Variants in ACTR3C observed in about 807,000 individuals in gnomAD.
ACTR3C encodes the protein actin related protein 3C, also known as actin-related protein 3C.
In ACTR3C, 18 loss-of-function variants were observed where a neutral mutation model predicts 26.3. The ratio of observed to expected loss-of-function variants is 0.68; its 90% confidence interval spans 0.47 to 1.01. The LOEUF (loss-of-function observed/expected upper bound fraction) is 1.01, where lower values mean the gene tolerates loss of function less well. Ranked by LOEUF, ACTR3C falls within the 50% of genes least tolerant of loss-of-function variation. The pLI is 0.00. For synonymous variants in ACTR3C, 55 were observed against 94.5 expected (o/e 0.58, Z 2.42); for missense variants, 184 against 250.7 (o/e 0.73, Z 1.80).
At chr7:150,270,619 C>A (rs565986724) in intron 6 of ACTR3C, among the ~76,000 whole-genome samples, 2 of 151,900 alleles carry the variant, frequency 1.3e-5, no homozygotes, top group Admixed American at 6.5e-5. Context: ...GCCACCCCCC[C>A]GCCCTGCAGC....
At chr7:150,180,503 T>C in the ACTR3C span, among the ~76,000 whole-genome samples, 1 of 145,462 alleles carries the variant, frequency 6.9e-6, no homozygotes, top group East Asian at 2.0e-4. Flanking sequence ...GCCAAAATAG[T>C]AGTATATCTT....
At chr7:150,218,281 G>A in the ACTR3C span, among the ~76,000 whole-genome samples, 5 of 151,882 alleles carry the variant, frequency 3.3e-5, no homozygotes, top group Admixed American at 6.6e-5. Flanking sequence ...TCATGTTATC[G>A]CACCACAGCA....
chr7:150,114,961 G>A, the ACTR3C span, among the ~76,000 whole-genome samples: 1 of 152,052 alleles, frequency 6.6e-6, no homozygotes. Flanking sequence ...CTTTTTCATA[G>A]TTAGATTTTT....
At chr7:149,932,465 T>C in the ACTR3C span, among the ~76,000 whole-genome samples, 1 of 151,992 alleles carries the variant, frequency 6.6e-6, no homozygotes, top group African/African-American at 2.4e-5. Context: ...TTTAAAAGGG[T>C]AGATTTTATG....
At chr7:149,986,988 GC>G in the ACTR3C span, among the ~76,000 whole-genome samples, 1 of 141,530 alleles carries the variant, frequency 7.1e-6, no homozygotes, top group Admixed American at 7.3e-5. Flanking sequence ...CTGCCTTGAA[GC>G]CCCCGCCCCA....
At chr7:149,885,712 C>T in the ACTR3C span, among the ~76,000 whole-genome samples, 2 of 152,276 alleles carry the variant, frequency 1.3e-5, no homozygotes, top group Admixed American at 6.5e-5. Context: ...TCTTCCCATT[C>T]TGTGTCCCAC....
chr7:150,013,368 C>T, the ACTR3C span, among the ~76,000 whole-genome samples: 26 of 152,138 alleles, frequency 1.7e-4, no homozygotes, highest in East Asian at 4.6e-3. Context: ...GAACACTGCT[C>T]CATCTCAATT....
chr7:150,136,890 G>T, the ACTR3C span, among the ~76,000 whole-genome samples: 1 of 152,174 alleles, frequency 6.6e-6, no homozygotes, highest in Non-Finnish European at 1.5e-5. Context: ...TTTTGTGGAA[G>T]ACAGTTTGTC....
At chr7:150,206,580 A>ATT in the ACTR3C span, among the ~76,000 whole-genome samples, 7 of 146,162 alleles carry the variant, frequency 4.8e-5, no homozygotes, top group Admixed American at 2.7e-4. Context: ...TGCCCAGATA[A>ATT]TTTTTTTTTT....
chr7:150,038,912 A>C, the ACTR3C span, among the ~76,000 whole-genome samples: 206 of 84,456 alleles, frequency 2.4e-3, no homozygotes, highest in East Asian at 4.6e-3. Flanking sequence ...TGGGGGTACT[A>C]ACAGCCAGGG....
chr7:150,145,311 A>G, the ACTR3C span, among the ~76,000 whole-genome samples: 1 of 152,302 alleles, frequency 6.6e-6, no homozygotes, highest in South Asian at 2.1e-4. Flanking sequence ...CCCCAGCTGT[A>G]TAAATATGAC....
At chr7:150,168,590 C>T in the ACTR3C span, among the ~76,000 whole-genome samples, 2 of 150,810 alleles carry the variant, frequency 1.3e-5, no homozygotes, top group South Asian at 4.1e-4. Flanking sequence ...AAACCCATCA[C>T]CTGCCACTCC....
At chr7:150,236,102 C>T in the ACTR3C span, among the ~76,000 whole-genome samples, 4 of 152,074 alleles carry the variant, frequency 2.6e-5, no homozygotes, top group African/African-American at 9.7e-5. Context: ...AGAGGGAGGC[C>T]GAAGCAATAA....
chr7:150,147,345 A>C, the ACTR3C span, among the ~76,000 whole-genome samples: 1 of 152,220 alleles, frequency 6.6e-6, no homozygotes, highest in African/African-American at 2.4e-5. Flanking sequence ...GCAAAATATG[A>C]AGAAAAAAAG....
chr7:150,209,310 C>CAGAGAGAGAGAG, the ACTR3C span, among the ~76,000 whole-genome samples: 1 of 125,486 alleles, frequency 8.0e-6, no homozygotes, highest in Non-Finnish European at 1.6e-5. Context: ...GAGACAGAAA[C>CAGAGAGAGAGAG]AGAGAGAGAG....
intron 5 of ACTR3C, among the ~76,000 whole-genome samples, chr7:150,285,529 C>T (rs1835706805): frequency 6.6e-6 from 1 of 152,228 alleles, no homozygotes; most frequent in South Asian, 2.1e-4. Context: ...GTTCACTGGA[C>T]ATTTGACTGT....
chr7:150,038,585 G>C, the ACTR3C span, among the ~76,000 whole-genome samples: 2 of 145,154 alleles, frequency 1.4e-5, no homozygotes, highest in African/African-American at 2.6e-5. Context: ...CTTAAGCTCC[G>C]GTAGATTGCA....
chr7:150,221,727 G>A, the ACTR3C span, among the ~76,000 whole-genome samples: 260 of 152,222 alleles, frequency 1.7e-3, no homozygotes, highest in African/African-American at 6.1e-3. Flanking sequence ...GGGCACGGTG[G>A]CTCACGCCTG....
At chr7:150,064,848 A>T in the ACTR3C span, among the ~76,000 whole-genome samples, 1 of 152,118 alleles carries the variant, frequency 6.6e-6, no homozygotes, top group South Asian at 2.1e-4. Flanking sequence ...ATTTTCATCA[A>T]TAGAGCTAAT....
Sources: gnomAD v4.1 joint callset for allele counts (sites outside exome capture counted in the v4.1 genomes callset) on GRCh38, gnomAD v4.1.1 for gene constraint, MANE v1.5 for transcripts, NCBI Gene and HGNC (gene_info 2026-07-23, HGNC 2026-07-21) for gene names.